The following LOC400499 variants were observed in gnomAD, a reference collection of about 807,000 sequenced individuals.
At chr16:11,422,441 G>T in the LOC400499 span, among the ~76,000 whole-genome samples, 30,044 of 151,674 alleles carry the variant, frequency 0.2, 3,286 homozygotes, top group East Asian at 0.34. Flanking sequence ...AGAACGGAAC[G>T]GAAAGGAAAG....
chr16:11,479,939 A>G, the LOC400499 span, among the ~76,000 whole-genome samples: 4 of 152,270 alleles, frequency 2.6e-5, no homozygotes, highest in South Asian at 8.3e-4. Context: ...CATGCCACGT[A>G]TGTTTTTTAT....
At chr16:11,372,407 G>A in the LOC400499 span, 1 of 152,264 alleles carries the variant, frequency 6.6e-6, no homozygotes, top group Non-Finnish European at 1.5e-5. Context: ...AATCTCTTGG[G>A]CATGAACAGG....
At chr16:11,390,637 G>A in the LOC400499 span, among the ~76,000 whole-genome samples, 1 of 152,224 alleles carries the variant, frequency 6.6e-6, no homozygotes, top group African/African-American at 2.4e-5. Context: ...AGTTGTCACA[G>A]CAGGCCTGAG....
the LOC400499 span, among the ~76,000 whole-genome samples, chr16:11,397,780 AG>A: frequency 1.1e-4 from 1 of 8,904 alleles, no homozygotes; most frequent in African/African-American, 2.0e-4. Context: ...GGATGGAGGG[AG>A]GGAGGGAGGG....
At chr16:11,384,407 T>G in the LOC400499 span, 1 of 734,436 alleles carries the variant, frequency 1.4e-6, no homozygotes, top group Non-Finnish European at 1.9e-6. Flanking sequence ...TCAGGACCTG[T>G]GTGTGAGATG....
At chr16:11,422,665 G>C in the LOC400499 span, among the ~76,000 whole-genome samples, 1 of 152,090 alleles carries the variant, frequency 6.6e-6, no homozygotes, top group African/African-American at 2.4e-5. Flanking sequence ...TCAAACCTGG[G>C]GATACTACCA....
At chr16:11,448,808 G>C in the LOC400499 span, 2 of 897,962 alleles carry the variant, frequency 2.2e-6, no homozygotes, top group Non-Finnish European at 3.1e-6. Flanking sequence ...CAAGGTCACA[G>C]GCCAAGCCAG....
At chr16:11,495,195 C>T in the LOC400499 span, among the ~76,000 whole-genome samples, 3 of 142,408 alleles carry the variant, frequency 2.1e-5, no homozygotes, top group Admixed American at 7.3e-5. Context: ...GGTGGCAGAG[C>T]GAAACTCTGT....
chr16:11,524,624 G>A, the LOC400499 span, among the ~76,000 whole-genome samples: 1 of 152,150 alleles, frequency 6.6e-6, no homozygotes, highest in East Asian at 1.9e-4. Flanking sequence ...CATCGAAGGG[G>A]CAGAGGACAA....
the LOC400499 span, among the ~76,000 whole-genome samples, chr16:11,431,621 G>A: frequency 6.6e-6 from 1 of 152,278 alleles, no homozygotes; most frequent in South Asian, 2.1e-4. Context: ...GCCCAGGCTG[G>A]TCTCGAACTC....
chr16:11,425,404 C>T, the LOC400499 span: 45 of 399,176 alleles, frequency 1.1e-4, no homozygotes, highest in African/African-American at 8.6e-4. Context: ...AAGCCCAGCA[C>T]AGCTGAGTCA....
At chr16:11,461,084 C>T in the LOC400499 span, 1 of 1,535,960 alleles carries the variant, frequency 6.5e-7, no homozygotes, top group Non-Finnish European at 8.7e-7. Context: ...AGGGCGGCCA[C>T]CCTCCGTCCA....
the LOC400499 span, among the ~76,000 whole-genome samples, chr16:11,454,319 A>G: frequency 1.3e-5 from 2 of 152,244 alleles, no homozygotes; most frequent in Admixed American, 1.3e-4. Context: ...TGTTCCCCCA[A>G]AAGATTAATT....
At chr16:11,415,326 C>T in the LOC400499 span, among the ~76,000 whole-genome samples, 1 of 152,190 alleles carries the variant, frequency 6.6e-6, no homozygotes, top group Non-Finnish European at 1.5e-5. Flanking sequence ...GCCAGGTTCC[C>T]GTGGGGTGCA....
the LOC400499 span, among the ~76,000 whole-genome samples, chr16:11,477,304 C>T: frequency 1.3e-5 from 2 of 152,220 alleles, no homozygotes; most frequent in Non-Finnish European, 2.9e-5. Flanking sequence ...AAACTCAGGG[C>T]CCAAGGACAG....
chr16:11,462,914 T>C, the LOC400499 span, among the ~76,000 whole-genome samples: 6 of 152,204 alleles, frequency 3.9e-5, no homozygotes, highest in Non-Finnish European at 8.8e-5. Flanking sequence ...CCTCACCAGC[T>C]GGAGCCCCGG....
At chr16:11,398,659 C>T in the LOC400499 span, 22 of 488,418 alleles carry the variant, frequency 4.5e-5, no homozygotes, top group Middle Eastern at 5.7e-4. Context: ...TTACACTCTG[C>T]GGCAGGATTT....
At chr16:11,435,757 G>A in the LOC400499 span, 1 of 399,472 alleles carries the variant, frequency 2.5e-6, no homozygotes, top group Non-Finnish European at 4.4e-6. Flanking sequence ...CCCAGCCCCG[G>A]CTGCTCCTCC....
chr16:11,481,612 C>T, the LOC400499 span, among the ~76,000 whole-genome samples: 10 of 152,170 alleles, frequency 6.6e-5, no homozygotes, highest in South Asian at 1.0e-3. Flanking sequence ...CATAAGCCAC[C>T]GCGCCCAGCC....
Sources: gnomAD v4.1 joint callset for allele counts (sites outside exome capture counted in the v4.1 genomes callset) on GRCh38, gnomAD v4.1.1 for gene constraint, MANE v1.5 for transcripts.